ANK3: variants seen among roughly 807,000 people sequenced by gnomAD.
ANK3 encodes the protein ankyrin-3.
In ANK3, 57 loss-of-function variants were observed where a neutral mutation model predicts 370.9. That is an observed-to-expected ratio of 0.15 (90% CI 0.12 to 0.19). ANK3 has a LOEUF of 0.19. Among genes scored for constraint, ANK3 ranks in the 10% least tolerant of loss-of-function variants. The probability of loss-of-function intolerance (pLI) is 1.00; values close to 1 mark genes in which losing one functional copy is unlikely to be tolerated. For missense variants in ANK3, 4,439 were observed against 5,302.1 expected (o/e 0.84, Z 5.06); for synonymous variants, 1,929 against 1,946.3 (o/e 0.99, Z 0.23).
intron 1 of ANK3, among the ~76,000 whole-genome samples, chr10:60,330,421 TAAAC>T (rs1324059990): frequency 1.3e-5 from 2 of 151,902 alleles, no homozygotes; most frequent in East Asian, 1.9e-4. Context: ...ACAAAGAACT[TAAAC>T]AAACTTACAA....
intron 13 of ANK3, among the ~76,000 whole-genome samples, chr10:60,199,218 C>A (rs546445155): frequency 1.3e-5 from 2 of 152,136 alleles, no homozygotes; most frequent in African/African-American, 2.4e-5. Flanking sequence ...GCTCAAAGAT[C>A]CCTGTGGTAG....
At chr10:60,127,826 T>C (rs892494979) in intron 25 of ANK3, among the ~76,000 whole-genome samples, 5 of 151,560 alleles carry the variant, frequency 3.3e-5, no homozygotes, top group African/African-American at 1.2e-4. Context: ...GCCTCCCAAG[T>C]AGCTGGGATT....
At chr10:60,519,173 C>T (rs1349205155) in intron 2 of ANK3, among the ~76,000 whole-genome samples, 3 of 152,130 alleles carry the variant, frequency 2.0e-5, no homozygotes, top group African/African-American at 7.2e-5. Context: ...GGCCTAGACC[C>T]AATGCCCCGG....
At chr10:60,277,677 G>A (rs1348994638) in intron 4 of ANK3, among the ~76,000 whole-genome samples, 1 of 150,542 alleles carries the variant, frequency 6.6e-6, no homozygotes, top group Admixed American at 6.6e-5. Flanking sequence ...GCCTAATACT[G>A]CCAGAGTGTG....
At chr10:60,701,290 A>C (rs1325841425) in intron 1 of ANK3, among the ~76,000 whole-genome samples, 1 of 152,158 alleles carries the variant, frequency 6.6e-6, no homozygotes, top group African/African-American at 2.4e-5. Context: ...TGTGGTCGAG[A>C]ATATAAAACA....
Position 60,264,332 on chromosome 10 carries a change from C to T in ANK3, c.514-312G>A, listed in dbSNP as rs2132650817. The stretch of plus-strand genomic sequence containing the variant: ...ATACTACATATAAAAGAAAAAGTTG[C>T]TATAATATCAATATTCATAAAATAA... On this transcript the variant is annotated intron_variant, in intron 5 of 43. Transcript: ENST00000280772. 2.6e-5 allele frequency among the ~76,000 whole-genome samples: 4 copies of T among 151,978 alleles called. No homozygotes were observed. The South Asian group carries it at 8.3e-4, about 32-fold the overall frequency.
chr10:60,151,796 A>G (rs1204397674), intron 23 of ANK3, among the ~76,000 whole-genome samples: 1 of 152,182 alleles, frequency 6.6e-6, no homozygotes, highest in Non-Finnish European at 1.5e-5. Context: ...ACCAGACAAC[A>G]TCTATATTAG....
At chr10:60,201,122 G>A (rs558376817) in intron 12 of ANK3, among the ~76,000 whole-genome samples, 3 of 152,238 alleles carry the variant, frequency 2.0e-5, no homozygotes, top group Non-Finnish European at 4.4e-5. Context: ...AAGGACACGT[G>A]AAGACAGATT....
chr10:60,079,761 G>A (rs1429728205), intron 36 of ANK3, among the ~76,000 whole-genome samples: 2 of 152,164 alleles, frequency 1.3e-5, no homozygotes, highest in Non-Finnish European at 2.9e-5. Flanking sequence ...TATCTTGAGG[G>A]CTGTAGAGAT....
At chr10:60,685,301 C>G in intron 1 of ANK3, 1 of 206,808 alleles carries the variant, frequency 4.8e-6, no homozygotes, top group East Asian at 1.6e-4. Flanking sequence ...TCTTTTGGTA[C>G]TACCATTTGG....
intron 42 of ANK3, chr10:60,043,211 G>C: frequency 7.1e-6 from 7 of 986,662 alleles, no homozygotes; most frequent in Non-Finnish European, 8.4e-6. Flanking sequence ...CTTACTGTCA[G>C]ACCAAGAAGG....
At chr10:60,301,123 G>GATATATATATATATATATATAT (rs34302629) in intron 1 of ANK3, among the ~76,000 whole-genome samples, 3 of 135,218 alleles carry the variant, frequency 2.2e-5, no homozygotes, top group African/African-American at 8.3e-5. Context: ...GAATACTTCC[G>GATATATATATATATATATATAT]ATATATATAT....
chr10:60,372,749 T>C (rs2060273815), intron 1 of ANK3, among the ~76,000 whole-genome samples: 1 of 152,200 alleles, frequency 6.6e-6, no homozygotes, highest in Non-Finnish European at 1.5e-5. Context: ...AGAGCCTCTT[T>C]GGGAATTTTC....
At chr10:60,512,220 TA>T (rs1055790936) in intron 2 of ANK3, among the ~76,000 whole-genome samples, 2 of 152,006 alleles carry the variant, frequency 1.3e-5, no homozygotes, top group African/African-American at 4.8e-5. Flanking sequence ...ACCAAAACCA[TA>T]AAAACAGAAT....
In ANK3 at chr10:60,073,293, C is replaced by T. The variant is rs753998251; in HGVS notation, c.7588G>A (p.Val2530Met). The T allele has an allele frequency of 1.2e-6, 2 of 1,614,080 alleles. No individual in the cohort carries two copies. Among genetic ancestry groups the T allele is most frequent in the Non-Finnish European group, 1.7e-6 (2 of 1,180,002 alleles). The stretch of plus-strand genomic sequence containing the variant: ...TTATCAAAATGCTCATCTTTAGACA[C>T]TTTACCTACACCATTTTCAGAAACA... ...KDVSENGVGK[V>M]SKDEHFDKVT... Residue 2530 changes from valine to methionine, a missense_variant, in exon 37 of 44, where the codon GTG becomes ATG. Val to Met is a conservative substitution (Grantham distance 21, BLOSUM62 1). Coordinates refer to ENST00000280772, the MANE Select transcript of ANK3 (RefSeq NM_020987.5).
rs149815460 is a variant in ANK3 at position 60,196,238 on chromosome 10, C to A, written c.1794G>T (p.Gly598=). 2.5e-6 allele frequency: 4 copies of A among 1,613,652 alleles called. No individual in the cohort carries two copies. Among genetic ancestry groups the A allele is most frequent in the Middle Eastern group, 1.6e-4 (1 of 6,084 alleles). The stretch of plus-strand genomic sequence containing the variant: ...GTGCAGCTACATGCAGTGGTGTTAG[C>A]CCGCTCTGAAAACACGTGCAGAAAC... ...SASPDAAGKS[G]LTPLHVAAHY... is the part of the protein sequence containing the mutation. Residue 598 remains glycine, a synonymous_variant, in exon 16 of 44, where the codon GGG becomes GGT. Coordinates refer to ENST00000280772, the MANE Select transcript of ANK3 (RefSeq NM_020987.5).
chr10:60,506,215 T>C (rs770476608), intron 2 of ANK3, among the ~76,000 whole-genome samples: 8 of 152,110 alleles, frequency 5.3e-5, no homozygotes, highest in Non-Finnish European at 8.8e-5. Context: ...AAAAGTGCTG[T>C]TCTTCTATAA....
In ANK3 at chr10:60,086,850, A is replaced by T. The variant is rs747872965; in HGVS notation, c.3575T>A (p.Ile1192Asn). ...QPVPDEIVKKILGNKATFSPI... is the reference protein window; with the variant it reads ...QPVPDEIVKKNLGNKATFSPI... ...GCTAAAAGTTGCTTTGTTTCCAAGG[A>T]TCTTTTTCACAATTTCATCTGGAAC... Residue 1192 changes from isoleucine (I) to asparagine (N), a missense_variant, in exon 30 of 44, where the codon ATC becomes AAC. Transcript: ENST00000280772. 5.0e-6 allele frequency: 8 copies of T among 1,613,042 alleles called. No individual in the cohort carries two copies. The highest frequency in any genetic ancestry group is 1.1e-5 in the South Asian group (1 of 91,034).
At chr10:60,491,672 T>C (rs1312235801) in intron 2 of ANK3, among the ~76,000 whole-genome samples, 3 of 152,110 alleles carry the variant, frequency 2.0e-5, no homozygotes, top group African/African-American at 4.8e-5. Flanking sequence ...TAAAACTGTG[T>C]CCAAGGTAAA....
Sources: allele counts gnomAD v4.1 joint callset (sites outside exome capture counted in the v4.1 genomes callset), GRCh38; gene constraint gnomAD v4.1.1; transcripts MANE v1.5; gene names NCBI Gene and HGNC (gene_info 2026-07-23, HGNC 2026-07-21).